Variants in KCNC2 observed in about 807,000 individuals in gnomAD.
KCNC2 encodes the protein voltage-gated potassium channel KCNC2.
In KCNC2, 21 loss-of-function variants were observed where a neutral mutation model predicts 44.5. The ratio of observed to expected loss-of-function variants is 0.47; its 90% CI spans 0.33 to 0.68. KCNC2 has a LOEUF of 0.68. KCNC2 is among the 30% of genes least tolerant of loss of function. The pLI, the probability that KCNC2 is intolerant of heterozygous loss-of-function variation, is 0.01. For missense variants in KCNC2, 589 were observed against 826.2 expected (o/e 0.71, Z 3.52); for synonymous variants, 391 against 339.1 (o/e 1.15, Z -1.68).
intron 2 of KCNC2, among the ~76,000 whole-genome samples, chr12:75,062,142 C>A (rs1882407978): frequency 6.6e-6 from 1 of 152,032 alleles, no homozygotes; most frequent in Non-Finnish European, 1.5e-5. Context: ...TCTATTAACT[C>A]ATTTTACAGA....
intron 2 of KCNC2, among the ~76,000 whole-genome samples, chr12:75,148,156 T>C (rs1890151142): frequency 6.6e-6 from 1 of 152,104 alleles, no homozygotes; most frequent in South Asian, 2.1e-4. Flanking sequence ...CACAAATATA[T>C]GTAATTATCA....
chr12:75,148,931 T>C (rs2137451605), intron 2 of KCNC2, among the ~76,000 whole-genome samples: 1 of 152,026 alleles, frequency 6.6e-6, no homozygotes. Context: ...GCATTATTTC[T>C]TACATTTTTA....
intron 2 of KCNC2, among the ~76,000 whole-genome samples, chr12:75,202,795 G>GT (rs34542718): frequency 0.62 from 90,811 of 146,102 alleles, 29,577 homozygotes; most frequent in African/African-American, 0.84. Context: ...TCCTATGTGA[G>GT]TTTTTTTTTT....
At chr12:75,131,817 C>G (rs1224603185) in intron 2 of KCNC2, among the ~76,000 whole-genome samples, 1 of 152,152 alleles carries the variant, frequency 6.6e-6, no homozygotes, top group African/African-American at 2.4e-5. Flanking sequence ...GGTAGAATCT[C>G]TCCTAGAGAC....
At chr12:75,052,268 T>C (rs10879875) in intron 2 of KCNC2, among the ~76,000 whole-genome samples, 131,354 of 152,082 alleles carry the variant, frequency 0.86, 57,052 homozygotes, top group Admixed American at 0.91. Context: ...TTTTCCATGG[T>C]CATAAACTAC....
At chr12:75,061,668 T>A (rs1355631407) in intron 2 of KCNC2, among the ~76,000 whole-genome samples, 1 of 150,784 alleles carries the variant, frequency 6.6e-6, no homozygotes, top group Non-Finnish European at 1.5e-5. Flanking sequence ...TCCATAGAGG[T>A]CATCACAAAT....
chr12:75,080,172 T>A (rs1048120557), intron 2 of KCNC2, among the ~76,000 whole-genome samples: 3 of 152,152 alleles, frequency 2.0e-5, no homozygotes, highest in African/African-American at 2.4e-5. Context: ...TAAATCATTT[T>A]TCCATACTAA....
intron 2 of KCNC2, among the ~76,000 whole-genome samples, chr12:75,168,309 T>C (rs1891588114): frequency 6.6e-6 from 1 of 151,398 alleles, no homozygotes; most frequent in Admixed American, 6.6e-5. Context: ...TATTAAACAC[T>C]TGTCTATATG....
At chr12:75,126,430 T>C (rs891494568) in intron 2 of KCNC2, among the ~76,000 whole-genome samples, 2 of 152,192 alleles carry the variant, frequency 1.3e-5, no homozygotes, top group Non-Finnish European at 2.9e-5. Flanking sequence ...GAATACAACT[T>C]GAATAAAGCA....
intron 2 of KCNC2, among the ~76,000 whole-genome samples, chr12:75,117,197 G>GT: frequency 6.6e-6 from 1 of 152,260 alleles, no homozygotes; most frequent in East Asian, 1.9e-4. Flanking sequence ...AAGGCTTACT[G>GT]TTTTTTATGC....
chr12:75,092,789 T>C (rs1031507577), intron 2 of KCNC2, among the ~76,000 whole-genome samples: 2 of 151,702 alleles, frequency 1.3e-5, no homozygotes, highest in Non-Finnish European at 3.0e-5. Flanking sequence ...AACACACATA[T>C]GAAGTATTAC....
At chr12:75,081,917 C>T (rs1884548059) in intron 2 of KCNC2, among the ~76,000 whole-genome samples, 1 of 151,962 alleles carries the variant, frequency 6.6e-6, no homozygotes, top group Non-Finnish European at 1.5e-5. Context: ...GGTTTCAACT[C>T]ATACCAAGAG....
At chr12:75,084,418 G>T (rs1281999802) in intron 2 of KCNC2, among the ~76,000 whole-genome samples, 1 of 151,888 alleles carries the variant, frequency 6.6e-6, no homozygotes, top group Non-Finnish European at 1.5e-5. Flanking sequence ...CCCACGTGTT[G>T]CAGGAGGGAC....
In KCNC2 at chr12:75,042,634, T is replaced by G. The variant is rs1880042122; in HGVS notation, c.*471A>C. 4.0e-6 allele frequency: 5 copies of G among 1,247,204 alleles called. No individual in the cohort carries two copies. Among genetic ancestry groups the G allele is most frequent in the Non-Finnish European group, 5.0e-6 (5 of 993,382 alleles). The allele number at this position is 1,247,204 out of a possible 1,614,324, so 77.3% of individuals were successfully genotyped here. A position where few individuals can be genotyped will look rare whatever the true frequency, so the allele number is the denominator to read the frequency against. ...AGTCCCCGAACTCTGCAACATTGCT[T>G]TCAGGTGATAGAGACAAGATGGTCC... On this transcript the variant is annotated 3_prime_UTR_variant, in exon 5 of 5. Transcript: ENST00000549446.
Position 75,192,312 on chromosome 12 carries a change from G to A in KCNC2, c.687+14985C>T, listed in dbSNP as rs1189060488. Among the ~76,000 whole-genome samples the A allele has an allele frequency of 3.9e-5, 6 of 152,172 alleles. No individual in the cohort carries two copies. In the East Asian group the frequency reaches 1.2e-3, roughly 29 times the overall value. ...GGCCTCGTTTCCCTGTAATTAGCAG[G>A]ACAATCAGTGCCATCTATTATTGTT... is the stretch of plus-strand genomic sequence containing the variant. On this transcript the variant is annotated intron_variant, in intron 2 of 4. Coordinates refer to ENST00000549446, the MANE Select transcript of KCNC2 (RefSeq NM_139137.4).
At position 75,040,267 on chromosome 12, in the gene KCNC2, G is replaced by A. The variant is rs200858754; in HGVS notation, c.*2838C>T. Reference sequence around the variant, plus strand: ...ATATGTTATATTCAGAATCCCAGGGGAACTAATAGACTCTGAAAATATTGA... The same window carrying A: ...ATATGTTATATTCAGAATCCCAGGGAAACTAATAGACTCTGAAAATATTGA... On this transcript the variant is annotated 3_prime_UTR_variant, in exon 5 of 5. Transcript: ENST00000549446. 1 of 151,836 alleles carries A rather than the reference G, an allele frequency of 6.6e-6. No homozygotes were observed. Among genetic ancestry groups the A allele is most frequent in the South Asian group, 2.1e-4 (1 of 4,830 alleles). 9.4% of individuals were successfully genotyped at this position (151,836 alleles called of 1,614,324 possible).
At chr12:75,044,414 T>C (rs1301119618) in intron 4 of KCNC2, 1 of 151,916 alleles carries the variant, frequency 6.6e-6, no homozygotes, top group African/African-American at 2.4e-5. Flanking sequence ...CAGACCTCAG[T>C]GTACTCGATG....
At chr12:75,060,492 G>A (rs972268385) in intron 2 of KCNC2, among the ~76,000 whole-genome samples, 1 of 151,832 alleles carries the variant, frequency 6.6e-6, no homozygotes, top group South Asian at 2.1e-4. Context: ...TTGAGACAAG[G>A]TCTCTCTCTG....
chr12:75,203,004 A>G (rs1227644851), intron 2 of KCNC2, among the ~76,000 whole-genome samples: 1 of 151,780 alleles, frequency 6.6e-6, no homozygotes, highest in Non-Finnish European at 1.5e-5. Flanking sequence ...TGTAATCAAT[A>G]TTCATTGAAT....
Sources: gnomAD v4.1 joint callset for allele counts (sites outside exome capture counted in the v4.1 genomes callset) on GRCh38, gnomAD v4.1.1 for gene constraint, MANE v1.5 for transcripts, NCBI Gene and HGNC (gene_info 2026-07-23, HGNC 2026-07-21) for gene names.